The following SCN9A variants were observed in gnomAD, a reference collection of about 807,000 sequenced individuals.
SCN9A encodes the protein sodium voltage-gated channel alpha subunit 9, also known as sodium channel protein type 9 subunit alpha.
A neutral mutation model predicts 187.0 loss-of-function variants in SCN9A; 131 were observed. The observed-to-expected ratio is 0.70, with a 90% CI of 0.61 to 0.81. The LOEUF is 0.81. Ranked by LOEUF, SCN9A falls within the 30% of genes least tolerant of loss-of-function variation. The pLI is 0.00. For synonymous variants in SCN9A, 809 were observed against 808.6 expected (o/e 1.00, Z -0.01); for missense variants, 2,252 against 2,396.6 (o/e 0.94, Z 1.26).
At chr2:166,236,163 T>A (rs1558971732) in intron 20 of SCN9A, among the ~76,000 whole-genome samples, 1 of 152,120 alleles carries the variant, frequency 6.6e-6, no homozygotes, top group Non-Finnish European at 1.5e-5. Flanking sequence ...TCTTCAAAAC[T>A]ACTATATTAC....
At chr2:166,307,192 A>G (rs1335849248) in intron 2 of SCN9A, 118 bp from the exon 3 acceptor site, 26 of 602,106 alleles carry the variant, frequency 4.3e-5, no homozygotes. Context: ...CTGCCATCAG[A>G]CTCCAGCAAT....
At chr2:166,323,501 G>A (rs1248519259) in intron 1 of SCN9A, among the ~76,000 whole-genome samples, 1 of 152,022 alleles carries the variant, frequency 6.6e-6, no homozygotes, top group Non-Finnish European at 1.5e-5. Flanking sequence ...AGTAAAAATT[G>A]TAAATCCTCT....
At chr2:166,219,399 A>G (rs779193487) in intron 24 of SCN9A, among the ~76,000 whole-genome samples, 2 of 152,182 alleles carry the variant, frequency 1.3e-5, no homozygotes, top group Admixed American at 1.3e-4. Flanking sequence ...TCAAAAAAAA[A>G]CGAGATCATA....
At chr2:166,337,786 G>A (rs1699665314) in intron 1 of SCN9A, among the ~76,000 whole-genome samples, 1 of 152,092 alleles carries the variant, frequency 6.6e-6, no homozygotes, top group African/African-American at 2.4e-5. Context: ...TTACTTAACT[G>A]TGTATCTCAG....
At chr2:166,232,764 G>C (rs1695140593) in intron 21 of SCN9A, among the ~76,000 whole-genome samples, 2 of 146,156 alleles carry the variant, frequency 1.4e-5, no homozygotes, top group Admixed American at 6.9e-5. Flanking sequence ...GAGAGAGAGA[G>C]AGTATGCATA....
intron 8 of SCN9A, among the ~76,000 whole-genome samples, 170 bp from the exon 9 acceptor site, chr2:166,293,542 C>G (rs747665733): frequency 2.0e-5 from 3 of 152,192 alleles, no homozygotes; most frequent in Non-Finnish European, 4.4e-5. Context: ...CCAAATTCTT[C>G]AAGGCATAAG....
intron 2 of SCN9A, among the ~76,000 whole-genome samples, chr2:166,311,199 T>C (rs1698931095): frequency 7.2e-6 from 1 of 138,812 alleles, no homozygotes. Context: ...TATACATATG[T>C]AACTAACCTG....
intron 7 of SCN9A, chr2:166,302,668 A>G (rs2106521358): frequency 6.7e-6 from 1 of 150,020 alleles, no homozygotes; most frequent in Non-Finnish European, 1.5e-5. Flanking sequence ...TATGAGTACA[A>G]TCTATTAAGT....
In SCN9A at chr2:166,304,229, A is replaced by G. The variant is rs188814235; in HGVS notation, c.688+9T>C. 1.4e-4 allele frequency: 219 copies of G among 1,612,418 alleles called. 1 individual carries two copies. The African/African-American group carries it at 2.6e-3, about 19-fold the overall frequency. ...AGTGGCCTAATGCTTCACACCAATT[A>G]CTTCTTACCTGGGATTACAGAAATA... On this transcript the variant is annotated intron_variant, in intron 6 of 26. Coordinates refer to ENST00000642356, the MANE Select transcript of SCN9A (RefSeq NM_001365536.1).
chr2:166,296,337 C>T (rs1328915510), intron 7 of SCN9A, among the ~76,000 whole-genome samples: 1 of 152,142 alleles, frequency 6.6e-6, no homozygotes, highest in African/African-American at 2.4e-5. Context: ...TGAGATAAAA[C>T]TATTGATTGA....
chr2:166,249,059 C>T (rs1038947290), intron 18 of SCN9A, among the ~76,000 whole-genome samples: 3 of 152,024 alleles, frequency 2.0e-5, no homozygotes, highest in Non-Finnish European at 4.4e-5. Flanking sequence ...TGCATATCCT[C>T]ACCTTGGGGC....
intron 20 of SCN9A, among the ~76,000 whole-genome samples, chr2:166,234,879 G>T (rs1025833099): frequency 6.6e-6 from 1 of 152,102 alleles, no homozygotes; most frequent in Non-Finnish European, 1.5e-5. Flanking sequence ...TGAAGGTTCT[G>T]CCTTCATGAA....
chr2:166,272,461 C>A lies in SCN9A; in HGVS notation c.3289G>T (p.Asp1097Tyr), dbSNP rs768654039. The change falls in exon 17 of 27, where the codon GAT becomes TAT. Residue 1097 changes from aspartate (D) to tyrosine (Y), a missense_variant. By Grantham distance (160) the Asp-to-Tyr change is radical. Transcript: ENST00000642356. ...VTVPIAPGES[D>Y]LENMNAEELS... ...TCCTCAGCATTCATATTTTCCAAATCGGATTCCCCAGGTGCAATTGGCACT... is the reference window on the plus strand; with the variant it reads ...TCCTCAGCATTCATATTTTCCAAATAGGATTCCCCAGGTGCAATTGGCACT... The A allele has an allele frequency of 5.6e-6, 9 of 1,611,488 alleles. No homozygotes were observed. The highest frequency in any genetic ancestry group is 3.3e-5 in the South Asian group (3 of 90,740).
At chr2:166,306,691 GA>G in intron 3 of SCN9A, 92 bp from the exon 4 acceptor site, 3 of 896,268 alleles carry the variant, frequency 3.3e-6, no homozygotes, top group South Asian at 2.9e-5. Flanking sequence ...CTTTTCCTAA[GA>G]AAAAAATTCT....
At chr2:166,368,645 A>G (rs961190720) in intron 1 of SCN9A, among the ~76,000 whole-genome samples, 1 of 150,764 alleles carries the variant, frequency 6.6e-6, no homozygotes, top group African/African-American at 2.4e-5. Flanking sequence ...TTACCTATGT[A>G]AAAAACCTGC....
chr2:166,294,497 A>T (rs952282396), intron 8 of SCN9A, 102 bp downstream of exon 8: 11 of 765,102 alleles, frequency 1.4e-5, no homozygotes, highest in African/African-American at 1.8e-5. Context: ...CATGAAATAT[A>T]TAAAAAGCAA....
intron 1 of SCN9A, among the ~76,000 whole-genome samples, chr2:166,364,227 G>C (rs1700360434): frequency 2.6e-5 from 4 of 151,268 alleles, no homozygotes; most frequent in Non-Finnish European, 5.9e-5. Context: ...GTGCATTGCT[G>C]ATAGGAATAT....
chr2:166,326,101 A>G (rs1369871652), intron 1 of SCN9A, among the ~76,000 whole-genome samples: 3 of 152,258 alleles, frequency 2.0e-5, no homozygotes, highest in South Asian at 2.1e-4. Flanking sequence ...ACTCTGTTCT[A>G]TGTCTTGGCA....
At chr2:166,358,427 G>A (rs2105310381) in intron 1 of SCN9A, among the ~76,000 whole-genome samples, 1 of 151,946 alleles carries the variant, frequency 6.6e-6, no homozygotes, top group East Asian at 1.9e-4. Context: ...GTGAGGTCAG[G>A]GATCTTTTCA....
Sources: allele counts gnomAD v4.1 joint callset (sites outside exome capture counted in the v4.1 genomes callset), GRCh38; gene constraint gnomAD v4.1.1; transcripts MANE v1.5; gene names NCBI Gene and HGNC (gene_info 2026-07-23, HGNC 2026-07-21).